The following ALDH7A1 variants were observed in gnomAD, a reference collection of about 807,000 sequenced individuals.
ALDH7A1 encodes the protein alpha-aminoadipic semialdehyde dehydrogenase.
In ALDH7A1, 63 loss-of-function variants were observed where a neutral mutation model predicts 79.9. The ratio of observed to expected loss-of-function variants is 0.79; its 90% confidence interval spans 0.64 to 0.97. The LOEUF is 0.97. Among genes scored for constraint, ALDH7A1 ranks in the 50% least tolerant of loss-of-function variants. ALDH7A1 has a pLI of 0.00. For missense variants in ALDH7A1, 627 were observed against 665.2 expected (o/e 0.94, Z 0.63); for synonymous variants, 240 against 231.2 (o/e 1.04, Z -0.34).
At chr5:126,563,801 T>C (rs1382456221) in intron 9 of ALDH7A1, among the ~76,000 whole-genome samples, 2 of 151,764 alleles carry the variant, frequency 1.3e-5, no homozygotes, top group African/African-American at 2.4e-5. Context: ...CACCATTTTT[T>C]TTTCTTTCTT....
At chr5:126,591,373 C>T (rs968975868) in intron 3 of ALDH7A1, among the ~76,000 whole-genome samples, 8 of 151,922 alleles carry the variant, frequency 5.3e-5, no homozygotes, top group Middle Eastern at 3.4e-3. Context: ...TACACAAAGA[C>T]GTATCTTGGC....
At chr5:126,593,618 C>G in intron 1 of ALDH7A1, 1 of 669,280 alleles carries the variant, frequency 1.5e-6, no homozygotes, top group Non-Finnish European at 2.5e-6. Flanking sequence ...CTGCAAAACT[C>G]GCCTCTGACA....
At chr5:126,593,668 C>G (rs1751637215) in intron 1 of ALDH7A1, 2 of 583,212 alleles carry the variant, frequency 3.4e-6, no homozygotes, top group East Asian at 5.8e-5. Flanking sequence ...TTAACATAAG[C>G]AGTTATTTTG....
chr5:126,564,684 G>A (rs1012735188), intron 9 of ALDH7A1: 46 of 574,226 alleles, frequency 8.0e-5, no homozygotes, highest in Non-Finnish European at 1.2e-4. Flanking sequence ...TCTAGTCTCT[G>A]CTGCAATCAT....
intron 3 of ALDH7A1, among the ~76,000 whole-genome samples, chr5:126,589,609 T>G (rs1380879036): frequency 6.6e-6 from 1 of 152,090 alleles, no homozygotes; most frequent in Non-Finnish European, 1.5e-5. Flanking sequence ...TGAAACCCTG[T>G]CTCTACTAAC....
At chr5:126,580,962 T>C (rs1751154436) in intron 5 of ALDH7A1, among the ~76,000 whole-genome samples, 1 of 152,074 alleles carries the variant, frequency 6.6e-6, no homozygotes, top group Admixed American at 6.6e-5. Context: ...GTAGCTGGGA[T>C]TACAGGCATG....
At chr5:126,572,382 C>G (rs1750805793) in intron 7 of ALDH7A1, among the ~76,000 whole-genome samples, 1 of 152,172 alleles carries the variant, frequency 6.6e-6, no homozygotes, top group African/African-American at 2.4e-5. Context: ...ATATTGTCTG[C>G]ACAAGTAGAC....
intron 3 of ALDH7A1, chr5:126,589,053 A>G (rs1751455058): frequency 6.6e-6 from 1 of 151,978 alleles, no homozygotes; most frequent in Non-Finnish European, 1.5e-5. Context: ...AAAAAAAAAG[A>G]AGAAAAGGAA....
At chr5:126,583,075 T>TA (rs1751229504) in intron 4 of ALDH7A1, 101 bp from the exon 5 acceptor site, 1 of 1,393,534 alleles carries the variant, frequency 7.2e-7, no homozygotes, top group African/African-American at 1.4e-5. Context: ...GTAAATGTAA[T>TA]AAACTGAAGA....
intron 1 of ALDH7A1, chr5:126,594,464 G>A: frequency 4.5e-6 from 1 of 223,260 alleles, no homozygotes; most frequent in East Asian, 1.2e-4. Flanking sequence ...TTTTTTTTGA[G>A]ACGGAATTTC....
intron 9 of ALDH7A1, chr5:126,562,254 G>C (rs1474938756): frequency 1.3e-5 from 2 of 150,840 alleles, no homozygotes; most frequent in African/African-American, 4.9e-5. Flanking sequence ...CCAGGCTGGG[G>C]TGTACTAGCA....
At chr5:126,571,033 T>C in intron 7 of ALDH7A1, 174 bp from the exon 8 acceptor site, 1 of 647,884 alleles carries the variant, frequency 1.5e-6, no homozygotes, top group South Asian at 1.7e-5. Flanking sequence ...TGTTCCTAAA[T>C]GGACTTCTAA....
chr5:126,594,012 A>C, intron 1 of ALDH7A1: 1 of 327,418 alleles, frequency 3.1e-6, no homozygotes, highest in Middle Eastern at 6.8e-4. Flanking sequence ...TTCATTATAT[A>C]ATATACAACG....
intron 11 of ALDH7A1, 47 bp from the exon 12 acceptor site, chr5:126,556,062 ATT>A: frequency 7.8e-7 from 1 of 1,288,448 alleles, no homozygotes; most frequent in Non-Finnish European, 1.1e-6. Context: ...AAATGCACAC[ATT>A]TTTAAACAAT....
intron 9 of ALDH7A1, chr5:126,564,430 G>C: frequency 1.2e-6 from 1 of 808,024 alleles, no homozygotes; most frequent in Non-Finnish European, 1.7e-6. Context: ...TTACAGACGT[G>C]AGCCACTGTG....
Position 126,546,403 on chromosome 5 carries a change from G to A in ALDH7A1, c.1490-4C>T. ...CCACCAGTGTGCTTTTCTCCTCCTA[G>A]AGAAATAAAAAATAATATCATATCT... On this transcript the variant is annotated splice_region_variant and splice_polypyrimidine_tract_variant and intron_variant, in intron 16 of 17. Transcript: ENST00000409134. The A allele has an allele frequency of 2.5e-6, 4 of 1,613,744 alleles. No homozygotes were observed. The highest frequency in any genetic ancestry group is 1.6e-4 in the Middle Eastern group (1 of 6,062).
At chr5:126,582,714 A>G in intron 5 of ALDH7A1, 137 bp downstream of exon 5, 3 of 1,000,166 alleles carry the variant, frequency 3.0e-6, no homozygotes, top group South Asian at 3.0e-5. Context: ...CATTTCTTTG[A>G]AAGATTGAGG....
At chr5:126,593,638 T>G in intron 1 of ALDH7A1, 1 of 620,788 alleles carries the variant, frequency 1.6e-6, no homozygotes, top group Non-Finnish European at 2.8e-6. Context: ...ATCTCAATAT[T>G]AGGCATATAA....
At position 126,554,375 on chromosome 5, in the gene ALDH7A1, G is replaced by A. The variant is rs1272252113; in HGVS notation, c.1112C>T (p.Pro371Leu). The A allele has an allele frequency of 1.2e-6, 2 of 1,614,072 alleles. No homozygotes were observed. The highest frequency in any genetic ancestry group is 1.7e-6 in the Non-Finnish European group (2 of 1,179,998). ...GCTCACTGCCTGCTTGGTGTGGAGT[G>A]GCCCATAGAGAACATTAGCTGGAGA... ...NPWDPNVLYG[P>L]LHTKQAVSMF... is the part of the protein sequence containing the mutation. Residue 371 changes from proline (P) to leucine (L), a missense_variant, in exon 13 of 18, where the codon CCA becomes CTA. Physicochemically the swap from Pro to Leu is moderately conservative, Grantham distance 98. Coordinates refer to ENST00000409134, the MANE Select transcript of ALDH7A1 (RefSeq NM_001182.5).
Sources: allele counts gnomAD v4.1 joint callset (sites outside exome capture counted in the v4.1 genomes callset), GRCh38; gene constraint gnomAD v4.1.1; transcripts MANE v1.5; gene names NCBI Gene and HGNC (gene_info 2026-07-23, HGNC 2026-07-21).